AHRR: variants seen among roughly 807,000 people sequenced by gnomAD.
AHRR encodes the protein aryl hydrocarbon receptor repressor, also known as ahR repressor.
A neutral mutation model predicts 44.0 loss-of-function variants in AHRR; 28 were observed. That is an observed-to-expected ratio of 0.64 (90% CI 0.47 to 0.87). AHRR has a LOEUF of 0.87. Among genes scored for constraint, AHRR ranks in the 40% least tolerant of loss-of-function variants. The pLI is 0.00. For missense variants in AHRR, 990 were observed against 953.9 expected, an observed-to-expected ratio of 1.04 and a Z score of -0.50; for synonymous variants, 434 against 407.0, an observed-to-expected ratio of 1.07 and a Z score of -0.80.
At chr5:378,505 G>A (rs562150220) in intron 4 of AHRR, among the ~76,000 whole-genome samples, 13 of 152,318 alleles carry the variant, frequency 8.5e-5, no homozygotes, top group African/African-American at 3.1e-4. Flanking sequence ...TCTGGACCTG[G>A]TGTTTCTTTG....
At chr5:410,728 C>A (rs1735437913) in intron 4 of AHRR, among the ~76,000 whole-genome samples, 2 of 152,208 alleles carry the variant, frequency 1.3e-5, no homozygotes, top group Non-Finnish European at 2.9e-5. Flanking sequence ...TCGTGCACAT[C>A]TTTTATTAGA....
chr5:425,344 A>T (rs990532868), intron 7 of AHRR, among the ~76,000 whole-genome samples: 2 of 152,128 alleles, frequency 1.3e-5, no homozygotes, highest in African/African-American at 4.8e-5. Flanking sequence ...TTTTTGATGG[A>T]GTCTCGCTCT....
chr5:414,047 G>A (rs781466482), intron 5 of AHRR, among the ~76,000 whole-genome samples: 9 of 152,180 alleles, frequency 5.9e-5, no homozygotes, highest in African/African-American at 2.2e-4. Context: ...GGTGGATCAC[G>A]AGGTCAGGAG....
chr5:368,497 T>C (rs1459815183), intron 3 of AHRR, among the ~76,000 whole-genome samples: 1 of 152,282 alleles, frequency 6.6e-6, no homozygotes, highest in African/African-American at 2.4e-5. Flanking sequence ...TGCTGTGCTT[T>C]TCTTTGATAC....
At chr5:345,312 ATGTGTG>A (rs1232249694) in intron 2 of AHRR, among the ~76,000 whole-genome samples, 12 of 13,908 alleles carry the variant, frequency 8.6e-4, no homozygotes, top group African/African-American at 5.8e-3. Flanking sequence ...GTGTGTGGGG[ATGTGTG>A]TGTGTGTGTG....
intron 4 of AHRR, among the ~76,000 whole-genome samples, chr5:397,067 G>GT (rs1324444751): frequency 2.1e-4 from 18 of 85,054 alleles, no homozygotes; most frequent in African/African-American, 9.0e-4. Flanking sequence ...GACCATCCAC[G>GT]TAGCCCCTGA....
At chr5:332,243 G>C (rs369856326) in intron 1 of AHRR, among the ~76,000 whole-genome samples, 1 of 141,204 alleles carries the variant, frequency 7.1e-6, no homozygotes, top group East Asian at 2.2e-4. Flanking sequence ...AAAAAAAGAA[G>C]AAAGAAAAAT....
chr5:373,885 G>C (rs1743671371), intron 3 of AHRR, among the ~76,000 whole-genome samples: 1 of 150,992 alleles, frequency 6.6e-6, no homozygotes, highest in African/African-American at 2.4e-5. Context: ...GCGAGGCCTG[G>C]CTGGCCCCAT....
In AHRR at chr5:437,103, C is replaced by A. The variant is rs1399179591; in HGVS notation, c.*2269C>A. 1 of 152,420 alleles carries A rather than the reference C, an allele frequency of 6.6e-6. No homozygotes were observed. The highest frequency in any genetic ancestry group is 1.5e-5 in the Non-Finnish European group (1 of 68,102). 9.4% of individuals were successfully genotyped at this position (152,420 alleles called of 1,614,324 possible). On this transcript the variant is annotated 3_prime_UTR_variant, in exon 11 of 11. Transcript: ENST00000684583. ...GTGGCTCATGCCTATAATCCCAGCA[C>A]TTTAGGAGGTCAAGGTAGGAGGATC... is the stretch of plus-strand genomic sequence containing the variant.
chr5:347,739 G>A (rs1271298904), intron 2 of AHRR, among the ~76,000 whole-genome samples: 11 of 152,228 alleles, frequency 7.2e-5, no homozygotes, highest in South Asian at 2.1e-4. Flanking sequence ...CTGCTGGCAC[G>A]TGCAGGGGTC....
At chr5:339,311 G>T (rs1742249755) in intron 1 of AHRR, among the ~76,000 whole-genome samples, 1 of 152,046 alleles carries the variant, frequency 6.6e-6, no homozygotes, top group South Asian at 2.1e-4. Flanking sequence ...TGTAGAGATA[G>T]GGTCTTGCTA....
rs1734234441 is a variant in AHRR at position 387,877 on chromosome 5, G to A, written c.351+11161G>A. ...CAGGAGCCAAAACCAGCGCCGATGG[G>A]CTGCAAGCGAGGTGTTGGCAGGACG... On this transcript the variant is annotated intron_variant, in intron 4 of 10. Coordinates refer to ENST00000684583, the MANE Select transcript of AHRR (RefSeq NM_001377236.1). This position sits in a 1 kb window ranked among gnomAD's most constrained non-coding sequence, Gnocchi z 5.1. Among the ~76,000 whole-genome samples the A allele has an allele frequency of 6.6e-6, 1 of 152,260 alleles. No homozygotes were observed. The highest frequency in any genetic ancestry group is 2.1e-4 in the South Asian group (1 of 4,836).
chr5:381,965 T>C (rs1380735984), intron 4 of AHRR, among the ~76,000 whole-genome samples: 2 of 152,262 alleles, frequency 1.3e-5, no homozygotes, highest in Non-Finnish European at 2.9e-5. Flanking sequence ...GTTTTTCTTC[T>C]TTAGACTGTC....
intron 4 of AHRR, among the ~76,000 whole-genome samples, chr5:407,492 G>T (rs1391332939): frequency 2.0e-5 from 3 of 152,010 alleles, no homozygotes; most frequent in African/African-American, 7.2e-5. Flanking sequence ...AAAGGTTATG[G>T]GTATCTGTAT....
rs558202129 is a variant in AHRR at position 400,515 on chromosome 5, T to G, written c.352-12829T>G. Among the ~76,000 whole-genome samples the G allele has an allele frequency of 3.9e-5, 6 of 152,130 alleles. No homozygotes were observed. The East Asian group carries it at 9.7e-4, about 24-fold the overall frequency. ...AGCCTTAACCTTAGAGCCAAATCCT[T>G]TTTCCGTTTGGAAAAGTGATCTCAT... On this transcript the variant is annotated intron_variant, in intron 4 of 10. Transcript: ENST00000684583.
intron 5 of AHRR, among the ~76,000 whole-genome samples, chr5:415,614 C>CCGAGTCTGCCTGGTCGGCT (rs1735745120): frequency 7.5e-5 from 5 of 66,370 alleles, no homozygotes; most frequent in South Asian, 9.9e-4. Flanking sequence ...CCTGGTGGGG[C>CCGAGTCTGCCTGGTCGGCT]GGGAGGCCTA....
intron 4 of AHRR, among the ~76,000 whole-genome samples, chr5:397,064 C>CCTGTT: frequency 7.6e-6 from 1 of 131,044 alleles, no homozygotes. Flanking sequence ...CCTGACCATC[C>CCTGTT]ACGTAGCCCC....
intron 1 of AHRR, among the ~76,000 whole-genome samples, chr5:340,087 T>C (rs987748136): frequency 6.6e-6 from 1 of 152,216 alleles, no homozygotes; most frequent in Non-Finnish European, 1.5e-5. Context: ...AAATTTTTTC[T>C]TTGATATTTT....
chr5:389,398 C>T (rs1490727850), intron 4 of AHRR, among the ~76,000 whole-genome samples: 1 of 152,230 alleles, frequency 6.6e-6, no homozygotes, highest in Non-Finnish European at 1.5e-5. Context: ...ACTCGGATCA[C>T]ATTCTCAAAG....
Sources: gnomAD v4.1 joint callset for allele counts (sites outside exome capture counted in the v4.1 genomes callset) on GRCh38, gnomAD v4.1.1 for gene constraint, Gnocchi (gnomAD v3.1) non-coding constraint, MANE v1.5 for transcripts, NCBI Gene and HGNC (gene_info 2026-07-23, HGNC 2026-07-21) for gene names.